SLC6A3: variants seen among roughly 807,000 people sequenced by gnomAD.
SLC6A3 encodes the protein solute carrier family 6 member 3, also known as sodium-dependent dopamine transporter.
In SLC6A3, 19 loss-of-function variants were observed where a neutral mutation model predicts 70.4. The ratio of observed to expected loss-of-function variants is 0.27; its 90% CI spans 0.19 to 0.40. SLC6A3 has a LOEUF of 0.40. Ranked by LOEUF, SLC6A3 falls within the 10% of genes least tolerant of loss-of-function variation. SLC6A3 has a pLI of 1.00. For synonymous variants in SLC6A3, 368 were observed against 356.6 expected, an observed-to-expected ratio of 1.03 and a Z score of -0.36; for missense variants, 613 against 838.5, an observed-to-expected ratio of 0.73 and a Z score of 3.32.
Position 1,394,599 on chromosome 5 carries a change from G to A in SLC6A3, c.*136C>T. On this transcript the variant is annotated 3_prime_UTR_variant, in exon 15 of 15. Coordinates refer to ENST00000270349, the MANE Select transcript of SLC6A3 (RefSeq NM_001044.5). This position sits in a 1 kb window ranked among gnomAD's most constrained non-coding sequence, Gnocchi z 4.7. ...AACAGTCAGAAGAGAGGAGTCTTCT[G>A]CTTTGTTGTTTGTGTTTTCAGTAGA... is the stretch of plus-strand genomic sequence containing the variant. The A allele has an allele frequency of 1.1e-6, 1 of 882,388 alleles. No individual in the cohort carries two copies. The highest frequency in any genetic ancestry group is 1.9e-6 in the Non-Finnish European group (1 of 518,526). The allele number at this position is 882,388 out of a possible 1,614,324, so 54.7% of individuals were successfully genotyped here.
chr5:1,394,381 C>G lies in SLC6A3; in HGVS notation c.*354G>C, dbSNP rs1755660101. ...GGATCGTGATCCCCGCCTGAGAACA[C>G]AGTGCCCCTGGGGCAGCCTCAGAGC... On this transcript the variant is annotated 3_prime_UTR_variant, in exon 15 of 15. Coordinates refer to ENST00000270349, the MANE Select transcript of SLC6A3 (RefSeq NM_001044.5). This position sits in a 1 kb window ranked among gnomAD's most constrained non-coding sequence, Gnocchi z 4.7. 2.2e-6 allele frequency: 1 copy of G among 463,906 alleles called. No individual in the cohort carries two copies. The highest frequency in any genetic ancestry group is 3.5e-5 in the Admixed American group (1 of 28,952). The allele number at this position is 463,906 out of a possible 1,614,324, so 28.7% of individuals were successfully genotyped here. A position where few individuals can be genotyped will look rare whatever the true frequency, so the allele number is the denominator to read the frequency against.
intron 4 of SLC6A3, among the ~76,000 whole-genome samples, chr5:1,423,254 A>G (rs1300651777): frequency 9.4e-6 from 1 of 106,442 alleles, no homozygotes; most frequent in African/African-American, 3.6e-5. Flanking sequence ...GGTGCTGGGT[A>G]CCCACTGCTG....
At chr5:1,429,172 G>A (rs1756639405) in intron 4 of SLC6A3, among the ~76,000 whole-genome samples, 1 of 152,178 alleles carries the variant, frequency 6.6e-6, no homozygotes, top group Non-Finnish European at 1.5e-5. Context: ...ACCCCTGGCA[G>A]ACCTGAGTAC....
chr5:1,414,661 G>C (rs1284426879), intron 8 of SLC6A3, 30 bp downstream of exon 8: 1 of 1,610,344 alleles, frequency 6.2e-7, no homozygotes, highest in East Asian at 2.2e-5. Flanking sequence ...GCTACACGGA[G>C]CAGGCCCAGG....
In SLC6A3 at chr5:1,408,321, C is replaced by T. The variant is rs780445305; in HGVS notation, c.1498+705G>A. The stretch of plus-strand genomic sequence containing the variant: ...CCTCCCAAAGTGCTGGGATTACAGG[C>T]GTGAGTCACCGCGCCCGGACCACAC... On this transcript the variant is annotated intron_variant, in intron 11 of 14. Transcript: ENST00000270349. The surrounding 1 kb of genome is among the most constrained non-coding windows in gnomAD (Gnocchi z 6.4). Among the ~76,000 whole-genome samples the T allele has an allele frequency of 4.0e-5, 6 of 151,516 alleles. No individual in the cohort carries two copies. The highest frequency in any genetic ancestry group is 1.3e-4 in the Admixed American group (2 of 15,186).
At position 1,422,360 on chromosome 5, in the gene SLC6A3, G is replaced by A. The variant is rs113963407; in HGVS notation, c.654-346C>T. On this transcript the variant is annotated intron_variant, in intron 4 of 14. Transcript: ENST00000270349. Reference sequence around the variant, plus strand: ...AGGAAGTTGCTGAGCAATGCTGGGTGCCCACCACTGCCCAGTGCTGCCCAA... The same window carrying A: ...AGGAAGTTGCTGAGCAATGCTGGGTACCCACCACTGCCCAGTGCTGCCCAA... 2.3e-3 allele frequency among the ~76,000 whole-genome samples: 342 copies of A among 148,714 alleles called. 22 individuals are homozygous for A. Among genetic ancestry groups the A allele is most frequent in the African/African-American group, 7.9e-3 (314 of 39,584 alleles).
chr5:1,393,850 G>A lies in SLC6A3; in HGVS notation c.*885C>T, dbSNP rs929308182. The A allele has an allele frequency of 1.5e-4, 23 of 149,232 alleles. No individual in the cohort carries two copies. Among genetic ancestry groups the A allele is most frequent in the African/African-American group, 5.8e-4 (22 of 38,226 alleles). The allele number at this position is 149,232 out of a possible 1,614,324, so 9.2% of individuals were successfully genotyped here. A position where few individuals can be genotyped will look rare whatever the true frequency, so the allele number is the denominator to read the frequency against. On this transcript the variant is annotated 3_prime_UTR_variant, in exon 15 of 15. Coordinates refer to ENST00000270349, the MANE Select transcript of SLC6A3 (RefSeq NM_001044.5). ...TGTGGGGGCCCTGCATGCGTTCTGGGGTAGTACACGCTCCTGTGGGGGCCC... is the reference window on the plus strand; with the variant it reads ...TGTGGGGGCCCTGCATGCGTTCTGGAGTAGTACACGCTCCTGTGGGGGCCC...
Position 1,414,678 on chromosome 5 carries a change from A to C in SLC6A3, c.1156+13T>G. ...TACACGGAGCAGGCCCAGGTGCAGC[A>C]GGAGGGGCTCACCGTCCTTGGCCAC... On this transcript the variant is annotated intron_variant, in intron 8 of 14. Transcript: ENST00000270349. 1 of 1,611,964 alleles carries C rather than the reference A, an allele frequency of 6.2e-7. No homozygotes were observed. Among genetic ancestry groups the C allele is most frequent in the Non-Finnish European group, 8.5e-7 (1 of 1,179,564 alleles).
Position 1,394,891 on chromosome 5 carries a change from G to A in SLC6A3, c.1840-133C>T, listed in dbSNP as rs1406333932. 3.1e-6 allele frequency: 3 copies of A among 965,396 alleles called. No homozygotes were observed. The Admixed American group carries it at 5.5e-5, about 18-fold the overall frequency. 59.8% of individuals were successfully genotyped at this position (965,396 alleles called of 1,614,324 possible). On this transcript the variant is annotated intron_variant, in intron 14 of 14. Coordinates refer to ENST00000270349, the MANE Select transcript of SLC6A3 (RefSeq NM_001044.5). This position sits in a 1 kb window ranked among gnomAD's most constrained non-coding sequence, Gnocchi z 4.7. ...TCCTGGCCATGTGCCCTGGGAGAAG[G>A]GGAGGCTCACTGGGGGCCTGGACCA...
In SLC6A3 at chr5:1,436,457, T is replaced by G. The variant is rs953079155; in HGVS notation, c.419-3759A>C. ...CTCGCGTTTCCAGGGAAAACATTCA[T>G]GAGAACATGGCGCTTCCCTTCCCTC... On this transcript the variant is annotated intron_variant, in intron 3 of 14. Coordinates refer to ENST00000270349, the MANE Select transcript of SLC6A3 (RefSeq NM_001044.5). This position sits in a 1 kb window ranked among gnomAD's most constrained non-coding sequence, Gnocchi z 5.2. Among the ~76,000 whole-genome samples the G allele has an allele frequency of 6.6e-6, 1 of 152,170 alleles. No individual in the cohort carries two copies. The highest frequency in any genetic ancestry group is 2.4e-5 in the African/African-American group (1 of 41,436).
In SLC6A3 at chr5:1,406,089, AC is replaced by A. The variant is rs1755972222; in HGVS notation, c.1599+98del. 1.2e-6 allele frequency: 1 copy of A among 854,638 alleles called. No homozygotes were observed. Among genetic ancestry groups the A allele is most frequent in the East Asian group, 2.4e-5 (1 of 40,984 alleles). The allele number at this position is 854,638 out of a possible 1,614,324, so 52.9% of individuals were successfully genotyped here. A position where few individuals can be genotyped will look rare whatever the true frequency, so the allele number is the denominator to read the frequency against. ...AGTCTTGAGGCCCCTGACTCCAGCCACAGTGACAACCCACATGCGGGCGCTG... is the reference window on the plus strand; with the variant it reads ...AGTCTTGAGGCCCCTGACTCCAGCCAAGTGACAACCCACATGCGGGCGCTG... On this transcript the variant is annotated intron_variant, in intron 12 of 14. Transcript: ENST00000270349. This position sits in a 1 kb window ranked among gnomAD's most constrained non-coding sequence, Gnocchi z 8.8.
At position 1,408,902 on chromosome 5, in the gene SLC6A3, T is replaced by C. The variant is rs1756049068; in HGVS notation, c.1498+124A>G. The C allele has an allele frequency of 2.7e-6, 2 of 728,956 alleles. No individual in the cohort carries two copies. The highest frequency in any genetic ancestry group is 4.9e-6 in the Non-Finnish European group (2 of 406,162). The allele number at this position is 728,956 out of a possible 1,614,324, so 45.2% of individuals were successfully genotyped here. A position where few individuals can be genotyped will look rare whatever the true frequency, so the allele number is the denominator to read the frequency against. ...CAAGCCTCTCCCCTCTGCGGAGCTG[T>C]GATGACCACAACCCAGGCTTCCTGC... On this transcript the variant is annotated intron_variant, in intron 11 of 14. Transcript: ENST00000270349. The surrounding 1 kb of genome is among the most constrained non-coding windows in gnomAD (Gnocchi z 6.4).
chr5:1,440,642 T>A (rs1328011929), intron 3 of SLC6A3, among the ~76,000 whole-genome samples: 3 of 152,172 alleles, frequency 2.0e-5, no homozygotes, highest in Non-Finnish European at 2.9e-5. Flanking sequence ...GTCATTAGGG[T>A]GTCCCTAATC....
intron 14 of SLC6A3, among the ~76,000 whole-genome samples, chr5:1,398,164 C>T (rs889342965): frequency 2.0e-5 from 3 of 152,008 alleles, no homozygotes; most frequent in Admixed American, 6.6e-5. Context: ...AGTTCGAGAC[C>T]AGCCTGGCCA....
Position 1,411,329 on chromosome 5 carries a change from G to T in SLC6A3, c.1183C>A (p.Pro395Thr), listed in dbSNP as rs1264913642. Residue 395 changes from proline (P) to threonine (T), a missense_variant, in exon 9 of 15, where the codon CCG (proline) becomes ACG (threonine). By Grantham distance (38) the Pro-to-Thr change is conservative. Coordinates refer to ENST00000270349, the MANE Select transcript of SLC6A3 (RefSeq NM_001044.5). The surrounding 1 kb of genome is among the most constrained non-coding windows in gnomAD (Gnocchi z 6.5). ...AGAGGGAGCGTGGCGATGGCTTCCGGGTAGATGATGAAGATCAGCCCTGGC... is the reference window on the plus strand; with the variant it reads ...AGAGGGAGCGTGGCGATGGCTTCCGTGTAGATGATGAAGATCAGCCCTGGC... ...DGPGLIFIIY[P>T]EAIATLPLSS... The T allele has an allele frequency of 6.4e-7, 1 of 1,552,108 alleles. No individual in the cohort carries two copies. The highest frequency in any genetic ancestry group is 2.0e-5 in the Admixed American group (1 of 51,222).
intron 10 of SLC6A3, 80 bp from the exon 11 acceptor site, chr5:1,409,205 C>A (rs1051755704): frequency 2.8e-5 from 29 of 1,040,836 alleles, no homozygotes; most frequent in Non-Finnish European, 3.1e-5. Context: ...ACTGTGCACA[C>A]AAATTGTTTC....
At chr5:1,422,385 A>ACCGCTGCCCAC (rs1560918355) in intron 4 of SLC6A3, among the ~76,000 whole-genome samples, 17 of 96,504 alleles carry the variant, frequency 1.8e-4, no homozygotes, top group Non-Finnish European at 3.2e-4. Flanking sequence ...GTGCTGCCCA[A>ACCGCTGCCCAC]GGTGCTGGGT....
At chr5:1,416,744 A>G (rs1756304246) in intron 6 of SLC6A3, among the ~76,000 whole-genome samples, 1 of 150,836 alleles carries the variant, frequency 6.6e-6, no homozygotes, top group Non-Finnish European at 1.5e-5. Context: ...GGACTCATCC[A>G]CACACAACAT....
chr5:1,410,604 A>T (rs1756093650), intron 9 of SLC6A3, among the ~76,000 whole-genome samples: 1 of 152,176 alleles, frequency 6.6e-6, no homozygotes, highest in Non-Finnish European at 1.5e-5. Context: ...CACACAAAGC[A>T]TTCAGGGCCA....
Sources: gnomAD v4.1 joint callset for allele counts (sites outside exome capture counted in the v4.1 genomes callset) on GRCh38, gnomAD v4.1.1 for gene constraint, Gnocchi (gnomAD v3.1) non-coding constraint, MANE v1.5 for transcripts, NCBI Gene and HGNC (gene_info 2026-07-23, HGNC 2026-07-21) for gene names.